The following SLC17A4 variants were observed in gnomAD, a reference collection of about 807,000 sequenced individuals.
SLC17A4 encodes solute carrier family 17 member 4.
Under a neutral mutation model 52.5 loss-of-function variants are expected in SLC17A4, and 33 were observed. The observed-to-expected ratio is 0.63, with a 90% CI of 0.48 to 0.84. The LOEUF is 0.84. Ranked by LOEUF, SLC17A4 falls within the 40% of genes least tolerant of loss-of-function variation. The pLI, the probability that SLC17A4 is intolerant of heterozygous loss-of-function variation, is 0.00. For synonymous variants in SLC17A4, 225 were observed against 216.2 expected, an observed-to-expected ratio of 1.04 and a Z score of -0.36; for missense variants, 585 against 597.1, an observed-to-expected ratio of 0.98 and a Z score of 0.21.
chr6:25,770,225 C>T lies in SLC17A4; in HGVS notation c.456C>T (p.Thr152=), dbSNP rs769754408. The change falls in exon 4 of 12, where the codon ACC becomes ACT. Residue 152 remains threonine, a synonymous_variant. Coordinates refer to ENST00000377905, the MANE Select transcript of SLC17A4 (RefSeq NM_005495.3). The part of the protein sequence containing the change: ...GAGLFISSFL[T]LFIPLAANAG... The stretch of plus-strand genomic sequence containing the variant: ...GCTTGTTTATTTCCTCATTCCTGAC[C>T]CTCTTCATTCCACTGGCAGCTAATG... The T allele has an allele frequency of 1.9e-5, 31 of 1,613,942 alleles. No individual in the cohort carries two copies. The African/African-American group carries it at 3.9e-4, about 20-fold the overall frequency.
At chr6:25,771,767 A>G (rs1262422717) in intron 6 of SLC17A4, among the ~76,000 whole-genome samples, 1 of 152,176 alleles carries the variant, frequency 6.6e-6, no homozygotes, top group Non-Finnish European at 1.5e-5. Flanking sequence ...TAATTAGAGT[A>G]GAGAATCAAC....
At position 25,773,688 on chromosome 6, in the gene SLC17A4, A is replaced by G; in HGVS notation, c.987+14A>G. 6.2e-7 allele frequency: 1 copy of G among 1,609,954 alleles called. No individual in the cohort carries two copies. Among genetic ancestry groups the G allele is most frequent in the Non-Finnish European group, 8.5e-7 (1 of 1,178,000 alleles). On this transcript the variant is annotated intron_variant, in intron 8 of 11. Transcript: ENST00000377905. ...AACCTCAGAGATGTAAGTACAGAGA[A>G]AGCTCATTCTGATCTTCTGTTTAAA... is the stretch of plus-strand genomic sequence containing the variant.
rs763602713 is a variant in SLC17A4 at position 25,762,064 on chromosome 6, G to A, written c.91+11G>A. ...AATGCTCCAGGAAAGGTAAAATCAT[G>A]CACAGTAATCTGGTAGTAAATAAAA... On this transcript the variant is annotated intron_variant, in intron 2 of 11. Coordinates refer to ENST00000377905, the MANE Select transcript of SLC17A4 (RefSeq NM_005495.3). 2 of 1,610,060 alleles carry A rather than the reference G, an allele frequency of 1.2e-6. No individual in the cohort carries two copies. The highest frequency in any genetic ancestry group is 1.7e-6 in the Non-Finnish European group (2 of 1,177,238).
At chr6:25,773,489 A>T (rs1762646328) in intron 7 of SLC17A4, 24 bp from the exon 8 acceptor site, 1 of 1,613,306 alleles carries the variant, frequency 6.2e-7, no homozygotes, top group African/African-American at 1.3e-5. Context: ...GACGGAGGGG[A>T]CATTGATGTG....
chr6:25,770,077 A>G lies in SLC17A4; in HGVS notation c.308A>G (p.Tyr103Cys). 1 of 1,613,914 alleles carries G rather than the reference A, an allele frequency of 6.2e-7. No individual in the cohort carries two copies. Among genetic ancestry groups the G allele is most frequent in the Non-Finnish European group, 8.5e-7 (1 of 1,179,858 alleles). Residue 103 changes from tyrosine (Y) to cysteine (C), a missense_variant, in exon 4 of 12, where the codon TAT (tyrosine) becomes TGT (cysteine). Coordinates refer to ENST00000377905, the MANE Select transcript of SLC17A4 (RefSeq NM_005495.3). ...LKEFKAMAPA[Y>C]DWSPEIQGII... ...CTCTTTGTCATCTAGGCCCCTGCAT[A>G]TGACTGGAGTCCTGAAATCCAGGGA...
At chr6:25,760,635 C>T (rs1281220311) in intron 1 of SLC17A4, among the ~76,000 whole-genome samples, 1 of 152,138 alleles carries the variant, frequency 6.6e-6, no homozygotes, top group East Asian at 1.9e-4. Flanking sequence ...CTCCATTTTC[C>T]AGGTTCTTAA....
At chr6:25,762,538 T>C (rs1040955127) in intron 2 of SLC17A4, among the ~76,000 whole-genome samples, 1 of 152,190 alleles carries the variant, frequency 6.6e-6, no homozygotes, top group African/African-American at 2.4e-5. Flanking sequence ...CTGTAGAACA[T>C]CTTATTTTAC....
In SLC17A4 at chr6:25,770,761, A is replaced by T. The variant is rs1386973352; in HGVS notation, c.620-165A>T. 4.6e-5 allele frequency among the ~76,000 whole-genome samples: 7 copies of T among 152,320 alleles called. No individual in the cohort carries two copies. In the East Asian group the frequency reaches 7.7e-4, roughly 17 times the overall value. On this transcript the variant is annotated intron_variant, in intron 5 of 11. Coordinates refer to ENST00000377905, the MANE Select transcript of SLC17A4 (RefSeq NM_005495.3). ...CACATATGGAATTTCAGACACAAAC[A>T]GACTAATAACTTCTCCAAGATCACA... is the stretch of plus-strand genomic sequence containing the variant.
chr6:25,760,773 AT>A (rs539549978), intron 1 of SLC17A4, among the ~76,000 whole-genome samples: 5 of 151,828 alleles, frequency 3.3e-5, no homozygotes, highest in African/African-American at 1.2e-4. Context: ...TTAATGCCTA[AT>A]TTTTTTTGTA....
chr6:25,776,848 C>T lies in SLC17A4; in HGVS notation c.1157C>T (p.Pro386Leu), dbSNP rs766964945. The change falls in exon 10 of 12, where the codon CCC becomes CTC. Residue 386 changes from proline to leucine, a missense_variant. Transcript: ENST00000377905. ...CCATCCGTGATCCTCGTGTCCCTGC[C>T]CTGGGTCAGATCCAGCCACAGCATG... ...LFPSVILVSL[P>L]WVRSSHSMTM... 1 of 1,613,842 alleles carries T rather than the reference C, an allele frequency of 6.2e-7. No individual in the cohort carries two copies. The highest frequency in any genetic ancestry group is 1.3e-5 in the African/African-American group (1 of 74,882).
intron 1 of SLC17A4, among the ~76,000 whole-genome samples, chr6:25,755,712 G>T (rs975462232): frequency 3.9e-5 from 6 of 152,118 alleles, no homozygotes; most frequent in African/African-American, 1.2e-4. Context: ...TCTGTTCTTA[G>T]CTATGGACTC....
intron 2 of SLC17A4, among the ~76,000 whole-genome samples, chr6:25,764,606 G>A (rs577779908): frequency 6.6e-6 from 1 of 152,322 alleles, no homozygotes; most frequent in African/African-American, 2.4e-5. Flanking sequence ...CTTGAGGCAG[G>A]GTGCAGTGTT....
chr6:25,776,377 TA>T (rs1375950374), intron 8 of SLC17A4, among the ~76,000 whole-genome samples: 1 of 152,160 alleles, frequency 6.6e-6, no homozygotes, highest in Non-Finnish European at 1.5e-5. Flanking sequence ...AGGTGATTTT[TA>T]TATATAAAGA....
chr6:25,757,892 A>G (rs778958500), intron 1 of SLC17A4, among the ~76,000 whole-genome samples: 2 of 152,206 alleles, frequency 1.3e-5, no homozygotes, highest in Non-Finnish European at 2.9e-5. Flanking sequence ...GGTGTTGGGC[A>G]TCAGGCAGTC....
rs1442294610 is a variant in SLC17A4, at chr6:25,770,434, A to G, written c.582A>G (p.Pro194=). 1 of 1,614,116 alleles carries G rather than the reference A, an allele frequency of 6.2e-7. No homozygotes were observed. The highest frequency in any genetic ancestry group is 8.5e-7 in the Non-Finnish European group (1 of 1,179,966). ...QYSIWVKWAP[P]LERSQLTTIA... is the part of the protein sequence containing the mutation. ...CAATTTGGGTCAAATGGGCTCCCCCACTGGAAAGGAGTCAACTCACCACCA... is the reference window on the plus strand; with the variant it reads ...CAATTTGGGTCAAATGGGCTCCCCCGCTGGAAAGGAGTCAACTCACCACCA... Residue 194 remains proline (P), a synonymous_variant, in exon 5 of 12, where the codon CCA becomes CCG. Transcript: ENST00000377905.
At chr6:25,763,266 C>A (rs1460446651) in intron 2 of SLC17A4, among the ~76,000 whole-genome samples, 1 of 152,126 alleles carries the variant, frequency 6.6e-6, no homozygotes. Context: ...CCCACTTTAC[C>A]CTGGCCTGTT....
intron 2 of SLC17A4, among the ~76,000 whole-genome samples, chr6:25,763,800 G>T (rs1761760081): frequency 6.6e-6 from 1 of 152,160 alleles, no homozygotes; most frequent in African/African-American, 2.4e-5. Context: ...GATTTCTGGG[G>T]CCAGGCTGTA....
chr6:25,769,436 T>C (rs1186701531), intron 3 of SLC17A4, among the ~76,000 whole-genome samples: 4 of 151,902 alleles, frequency 2.6e-5, no homozygotes, highest in Admixed American at 2.0e-4. Flanking sequence ...TAGGCACCTG[T>C]AATCCCAGCT....
chr6:25,769,568 AAAAG>A (rs1026478631), intron 3 of SLC17A4, among the ~76,000 whole-genome samples: 6 of 151,926 alleles, frequency 3.9e-5, no homozygotes, highest in Admixed American at 1.3e-4. Flanking sequence ...AAAAAAAAAA[AAAAG>A]AAAGAAAGAA....
Sources: allele counts gnomAD v4.1 joint callset (sites outside exome capture counted in the v4.1 genomes callset), GRCh38; gene constraint gnomAD v4.1.1; transcripts MANE v1.5; gene names NCBI Gene and HGNC (gene_info 2026-07-23, HGNC 2026-07-21).